Variants in GAB4 observed in about 807,000 individuals in gnomAD.
GAB4 encodes the protein GRB2-associated-binding protein 4.
In GAB4, 26 loss-of-function variants were observed where a neutral mutation model predicts 51.3. The ratio of observed to expected loss-of-function variants is 0.51; its 90% CI spans 0.37 to 0.70. The LOEUF is 0.70. Ranked by LOEUF, GAB4 falls within the 30% of genes least tolerant of loss-of-function variation. The pLI, the probability that GAB4 is intolerant of heterozygous loss-of-function variation, is 0.00. For missense variants in GAB4, 759 were observed against 734.6 expected (o/e 1.03, Z -0.38); for synonymous variants, 329 against 291.2 (o/e 1.13, Z -1.32).
In GAB4 at chr22:16,966,249, T is replaced by C. The variant is rs1391916189; in HGVS notation, c.1139A>G (p.Gln380Arg). 5.0e-6 allele frequency: 8 copies of C among 1,613,856 alleles called. No individual in the cohort carries two copies. Among genetic ancestry groups the C allele is most frequent in the Admixed American group, 1.7e-5 (1 of 59,990 alleles). Residue 380 changes from glutamine to arginine, a missense_variant, in exon 6 of 10, where the codon CAG becomes CGG. Gln to Arg is a conservative substitution (Grantham distance 43, BLOSUM62 1). Coordinates refer to ENST00000400588, the MANE Select transcript of GAB4 (RefSeq NM_001037814.1). ...PAVKQAGDDSQGVCIPVGSCL... is the reference protein window; with the variant it reads ...PAVKQAGDDSRGVCIPVGSCL... ...TGAGCCCACAGGGATGCAGACACCC[T>C]GGGAATCATCGCCTGCTTGCTTCAC...
intron 1 of GAB4, among the ~76,000 whole-genome samples, chr22:17,007,530 T>C (rs2061050989): frequency 6.8e-6 from 1 of 148,028 alleles, no homozygotes; most frequent in African/African-American, 2.5e-5. Flanking sequence ...GTGAGCAGGT[T>C]TAAGGCGCCT....
Position 17,008,068 on chromosome 22 carries a change from T to C in GAB4, c.47A>G (p.Asp16Gly). The C allele has an allele frequency of 6.2e-7, 1 of 1,606,934 alleles. No homozygotes were observed. Among genetic ancestry groups the C allele is most frequent in the Non-Finnish European group, 8.5e-7 (1 of 1,177,188 alleles). Residue 16 changes from aspartate to glycine, a missense_variant, in exon 1 of 10, where the codon GAC (aspartate) becomes GGC (glycine). Asp to Gly is a moderately conservative substitution (Grantham distance 94). Transcript: ENST00000400588. ...PSPSRELCPP[D>G]PAFAPLSSWP... ...CGAAGACAAAGGCGCAAATGCCGGG[T>C]CAGGTGGGCACAGCTCCCGGGAGGG...
intron 3 of GAB4, among the ~76,000 whole-genome samples, chr22:16,970,529 GGTCA>G (rs1244579586): frequency 1.3e-5 from 2 of 152,150 alleles, no homozygotes; most frequent in Admixed American, 1.3e-4. Context: ...TTAGCAGGGT[GGTCA>G]GTTTCACCCC....
chr22:16,989,557 T>C (rs980921431), intron 2 of GAB4, among the ~76,000 whole-genome samples: 4 of 152,226 alleles, frequency 2.6e-5, no homozygotes, highest in African/African-American at 9.6e-5. Context: ...TGAGCTCCCA[T>C]GCAGGTCTCC....
chr22:16,972,971 G>A (rs1043089236), intron 3 of GAB4, among the ~76,000 whole-genome samples: 4 of 152,052 alleles, frequency 2.6e-5, no homozygotes, highest in African/African-American at 7.2e-5. Context: ...CAAACCAGAC[G>A]TCACTGTGTC....
At chr22:16,967,956 T>C (rs543389922) in intron 5 of GAB4, among the ~76,000 whole-genome samples, 15 of 151,978 alleles carry the variant, frequency 9.9e-5, no homozygotes, top group African/African-American at 3.6e-4. Flanking sequence ...TGCCTACCCA[T>C]ACCAAAGGCT....
intron 3 of GAB4, among the ~76,000 whole-genome samples, chr22:16,972,989 T>C (rs1265808577): frequency 6.6e-6 from 1 of 152,206 alleles, no homozygotes; most frequent in Non-Finnish European, 1.5e-5. Flanking sequence ...GTCCCCAGCG[T>C]GCTCCTCTCA....
intron 3 of GAB4, among the ~76,000 whole-genome samples, chr22:16,980,995 C>T (rs5994118): frequency 0.011 from 1,667 of 151,790 alleles, 31 homozygotes; most frequent in African/African-American, 0.038. Flanking sequence ...CATCACACAT[C>T]GGGGCCTGTC....
At chr22:16,988,264 C>T in intron 2 of GAB4, 97 bp from the exon 3 acceptor site, 2 of 809,120 alleles carry the variant, frequency 2.5e-6, no homozygotes, top group Admixed American at 2.0e-5. Flanking sequence ...AGCACCAGCA[C>T]TCTTCCTCTC....
chr22:16,987,787 A>C (rs953795886), intron 3 of GAB4, among the ~76,000 whole-genome samples, 173 bp downstream of exon 3: 37 of 152,254 alleles, frequency 2.4e-4, no homozygotes, highest in Non-Finnish European at 1.0e-4. Context: ...AAATAAAACA[A>C]ATAAAATGTG....
At position 16,988,104 on chromosome 22, in the gene GAB4, C is replaced by G. The variant is rs758596697; in HGVS notation, c.542G>C (p.Cys181Ser). ...GLCSSPAEPS[C>S]SHQHLPQEQE... Reference sequence around the variant, plus strand: ...TTCTTGGGGGAGGTGCTGATGGGAGCAGCTGGGCTCAGCTGGAGAAGAGCA... The same window carrying G: ...TTCTTGGGGGAGGTGCTGATGGGAGGAGCTGGGCTCAGCTGGAGAAGAGCA... The change falls in exon 3 of 10, where the codon TGC (cysteine) becomes TCC (serine). Residue 181 changes from cysteine to serine, a missense_variant. Cys to Ser is a moderately radical substitution (Grantham distance 112, BLOSUM62 -1). Coordinates refer to ENST00000400588, the MANE Select transcript of GAB4 (RefSeq NM_001037814.1). 2 of 1,610,692 alleles carry G rather than the reference C, an allele frequency of 1.2e-6. No individual in the cohort carries two copies.
intron 3 of GAB4, among the ~76,000 whole-genome samples, chr22:16,983,017 G>A (rs1601269724): frequency 1.3e-5 from 2 of 152,316 alleles, no homozygotes; most frequent in Admixed American, 1.3e-4. Flanking sequence ...AGACTTGCTG[G>A]CTCCTTGCTT....
At chr22:17,006,867 G>T (rs1309534916) in intron 1 of GAB4, among the ~76,000 whole-genome samples, 1 of 152,128 alleles carries the variant, frequency 6.6e-6, no homozygotes, top group Admixed American at 6.5e-5. Context: ...GGGTTGGGGG[G>T]CAAGGGAAGG....
At chr22:16,984,414 G>A (rs1205310837) in intron 3 of GAB4, among the ~76,000 whole-genome samples, 1 of 152,152 alleles carries the variant, frequency 6.6e-6, no homozygotes, top group Non-Finnish European at 1.5e-5. Context: ...ACTAAAACTA[G>A]AACTACCATA....
At chr22:16,980,306 A>T (rs1050988851) in intron 3 of GAB4, among the ~76,000 whole-genome samples, 2 of 152,206 alleles carry the variant, frequency 1.3e-5, no homozygotes, top group Non-Finnish European at 2.9e-5. Context: ...ACTTAAAACA[A>T]ATTTACAAGA....
chr22:16,989,806 G>A (rs189239659), intron 2 of GAB4, among the ~76,000 whole-genome samples: 101 of 152,282 alleles, frequency 6.6e-4, no homozygotes, highest in Non-Finnish European at 1.2e-3. Flanking sequence ...TATTCTTCAG[G>A]GTTCTGCTCT....
chr22:16,988,428 T>A (rs2060887273), intron 2 of GAB4, among the ~76,000 whole-genome samples: 1 of 152,186 alleles, frequency 6.6e-6, no homozygotes, highest in South Asian at 2.1e-4. Flanking sequence ...GACGGCGTGG[T>A]TCCCCACAGT....
intron 1 of GAB4, among the ~76,000 whole-genome samples, chr22:16,997,976 G>C (rs1428152987): frequency 1.3e-5 from 2 of 152,180 alleles, no homozygotes; most frequent in African/African-American, 2.4e-5. Flanking sequence ...TATTATTTCT[G>C]AGGGCTCTGT....
chr22:16,992,854 T>A lies in GAB4; in HGVS notation c.175-678A>T, dbSNP rs73376049. Among the ~76,000 whole-genome samples the A allele has an allele frequency of 7.0e-3, 1,060 of 152,248 alleles. 15 individuals carry two copies. Among genetic ancestry groups the A allele is most frequent in the African/African-American group, 0.025 (1,024 of 41,542 alleles). ...ATCCCACTTCAGCCTCCTAAGTAGCTGGGACTAGAGCATACACCACCATAC... is the reference window on the plus strand; with the variant it reads ...ATCCCACTTCAGCCTCCTAAGTAGCAGGGACTAGAGCATACACCACCATAC... On this transcript the variant is annotated intron_variant, in intron 1 of 9. Coordinates refer to ENST00000400588, the MANE Select transcript of GAB4 (RefSeq NM_001037814.1).
Sources: allele counts gnomAD v4.1 joint callset (sites outside exome capture counted in the v4.1 genomes callset), GRCh38; gene constraint gnomAD v4.1.1; transcripts MANE v1.5; gene names NCBI Gene and HGNC (gene_info 2026-07-23, HGNC 2026-07-21).